MED12L: variants seen among roughly 807,000 people sequenced by gnomAD.
The protein encoded by MED12L is mediator complex subunit 12L.
Under a neutral mutation model 281.3 loss-of-function variants are expected in MED12L, and 60 were observed. That is an observed-to-expected ratio of 0.21 (90% CI 0.17 to 0.26). The LOEUF is 0.26. Among genes scored for constraint, MED12L ranks in the 10% least tolerant of loss-of-function variants. MED12L has a pLI of 1.00. For missense variants in MED12L, 2,146 were observed against 2,680.9 expected, an observed-to-expected ratio of 0.80 and a Z score of 4.41; for synonymous variants, 974 against 987.2, an observed-to-expected ratio of 0.99 and a Z score of 0.25.
intron 16 of MED12L, among the ~76,000 whole-genome samples, chr3:151,318,295 T>A (rs16863308): frequency 0.067 from 10,245 of 152,038 alleles, 1,160 homozygotes; most frequent in African/African-American, 0.23. Context: ...TAGTTTTGAC[T>A]CTCTCTGTGC....
intron 13 of MED12L, among the ~76,000 whole-genome samples, chr3:151,189,575 A>G (rs569223931): frequency 6.6e-6 from 1 of 152,172 alleles, no homozygotes; most frequent in South Asian, 2.1e-4. Flanking sequence ...AGTTCATCTC[A>G]TTTACTGTCT....
chr3:151,388,295 C>CT, intron 37 of MED12L, 123 bp downstream of exon 37: 1 of 1,235,322 alleles, frequency 8.1e-7, no homozygotes, highest in Non-Finnish European at 1.1e-6. Context: ...GACAGTTCTC[C>CT]TAACAGGTTT....
intron 5 of MED12L, among the ~76,000 whole-genome samples, chr3:151,147,739 A>C (rs1717930346): frequency 6.6e-6 from 1 of 152,190 alleles, no homozygotes; most frequent in African/African-American, 2.4e-5. Context: ...CATATGCCAC[A>C]TTTTATTTAT....
chr3:151,100,566 G>A (rs1338442135), intron 2 of MED12L, among the ~76,000 whole-genome samples: 1 of 152,178 alleles, frequency 6.6e-6, no homozygotes, highest in East Asian at 1.9e-4. Flanking sequence ...TCATTCTCCT[G>A]AGTTCTGCGA....
chr3:151,116,145 T>G (rs1712773165), intron 2 of MED12L, among the ~76,000 whole-genome samples, 193 bp from the exon 3 acceptor site: 2 of 151,942 alleles, frequency 1.3e-5, no homozygotes, highest in South Asian at 4.2e-4. Flanking sequence ...TAACATTTGC[T>G]TCATCCCTCT....
At chr3:151,201,297 A>G (rs1330529093) in intron 16 of MED12L, among the ~76,000 whole-genome samples, 1 of 152,048 alleles carries the variant, frequency 6.6e-6, no homozygotes, top group Non-Finnish European at 1.5e-5. Flanking sequence ...GTTTAAACCA[A>G]CTTTGCTCTC....
At chr3:151,153,564 C>CTTTTT (rs1177653143) in intron 5 of MED12L, among the ~76,000 whole-genome samples, 1,173 of 94,122 alleles carry the variant, frequency 0.012, no homozygotes, top group African/African-American at 0.022. Context: ...TGTTTTCTTT[C>CTTTTT]TTTTTTTTTT....
intron 16 of MED12L, among the ~76,000 whole-genome samples, chr3:151,314,637 C>T (rs538182728): frequency 6.6e-6 from 1 of 152,288 alleles, no homozygotes; most frequent in East Asian, 1.9e-4. Context: ...TGATTAACAT[C>T]ACGTAGCTGG....
chr3:151,193,755 T>A, intron 16 of MED12L, 89 bp downstream of exon 16: 2 of 1,156,306 alleles, frequency 1.7e-6, no homozygotes, highest in Non-Finnish European at 2.5e-6. Context: ...ACTGTATTCT[T>A]GACTAATAAT....
At chr3:151,188,197 C>A (rs1193735108) in intron 12 of MED12L, 157 bp from the exon 13 acceptor site, 5 of 509,372 alleles carry the variant, frequency 9.8e-6, no homozygotes, top group Non-Finnish European at 1.7e-5. Context: ...AAATTATATT[C>A]ACCTGAGGTG....
At position 151,284,374 on chromosome 3, in the gene MED12L, A is replaced by G. The variant is rs142368660; in HGVS notation, c.2251-65685A>G. 4.8e-3 allele frequency among the ~76,000 whole-genome samples: 736 copies of G among 152,084 alleles called. 9 individuals carry two copies. The highest frequency in any genetic ancestry group is 0.016 in the African/African-American group (679 of 41,468). On this transcript the variant is annotated intron_variant, in intron 16 of 44. Transcript: ENST00000687756. ...CCAGCAAATGATTTTAGCTAAGCAC[A>G]CTTATTTTTAGTTCTGGGTTGTGGG...
chr3:151,119,427 C>T (rs768792461), intron 3 of MED12L, among the ~76,000 whole-genome samples: 1 of 152,172 alleles, frequency 6.6e-6, no homozygotes, highest in African/African-American at 2.4e-5. Flanking sequence ...TTGCAGATGA[C>T]CACCTTCTCA....
chr3:151,306,604 CAG>C (rs1334116995), intron 16 of MED12L, among the ~76,000 whole-genome samples: 4 of 152,252 alleles, frequency 2.6e-5, no homozygotes, highest in African/African-American at 9.6e-5. Context: ...GTGGTCCACA[CAG>C]AGCCAGCCTG....
chr3:151,244,218 A>G (rs1734849653), intron 16 of MED12L, among the ~76,000 whole-genome samples: 1 of 136,982 alleles, frequency 7.3e-6, no homozygotes, highest in Admixed American at 7.6e-5. Context: ...CGAGACAGAA[A>G]GTCAACAAGG....
chr3:151,122,772 T>G lies in MED12L; in HGVS notation c.205-11T>G. The G allele has an allele frequency of 6.3e-7, 1 of 1,575,992 alleles. No individual in the cohort carries two copies. The highest frequency in any genetic ancestry group is 2.2e-5 in the East Asian group (1 of 44,446). ...GTCTTAACTTTCCCTTTTTTTCTCT[T>G]CTTTCCACAGATTGGAGCTTATTTT... On this transcript the variant is annotated splice_polypyrimidine_tract_variant and intron_variant, in intron 3 of 44. Coordinates refer to ENST00000687756, the MANE Select transcript of MED12L (RefSeq NM_001393769.1).
intron 16 of MED12L, among the ~76,000 whole-genome samples, chr3:151,290,634 GTTTTT>G (rs63049361): frequency 8.7e-5 from 13 of 149,278 alleles, no homozygotes; most frequent in East Asian, 3.9e-4. Context: ...TTACAGCCTT[GTTTTT>G]TTTTTTTTTT....
chr3:151,282,763 G>A (rs953280132), intron 16 of MED12L, among the ~76,000 whole-genome samples: 31 of 152,184 alleles, frequency 2.0e-4, no homozygotes, highest in Non-Finnish European at 1.0e-4. Flanking sequence ...AAAATGTCAC[G>A]CTCAGGACTT....
At chr3:151,339,152 C>G (rs1751451422) in intron 16 of MED12L, among the ~76,000 whole-genome samples, 1 of 152,030 alleles carries the variant, frequency 6.6e-6, no homozygotes, top group South Asian at 2.1e-4. Context: ...TCTTAGAGCT[C>G]ACTCATATTT....
intron 16 of MED12L, among the ~76,000 whole-genome samples, chr3:151,205,840 G>A (rs1327171832): frequency 2.0e-5 from 3 of 152,138 alleles, no homozygotes; most frequent in African/African-American, 4.8e-5. Context: ...TTTAGTATTT[G>A]TAACCATTTG....
Sources: gnomAD v4.1 joint callset for allele counts (sites outside exome capture counted in the v4.1 genomes callset) on GRCh38, gnomAD v4.1.1 for gene constraint, MANE v1.5 for transcripts, NCBI Gene and HGNC (gene_info 2026-07-23, HGNC 2026-07-21) for gene names.